TOGARAM1: variants seen among roughly 807,000 people sequenced by gnomAD.
TOGARAM1 encodes TOG array regulator of axonemal microtubules protein 1.
TOGARAM1 carries 100 observed loss-of-function variants against 166.6 expected under a neutral mutation model. The observed-to-expected ratio is 0.60, with a 90% confidence interval of 0.51 to 0.71. TOGARAM1 has a LOEUF of 0.71. Ranked by LOEUF, TOGARAM1 falls within the 30% of genes least tolerant of loss-of-function variation. The pLI is 0.00. For synonymous variants in TOGARAM1, 758 were observed against 763.8 expected, an observed-to-expected ratio of 0.99 and a Z score of 0.13; for missense variants, 2,029 against 2,102.7, an observed-to-expected ratio of 0.96 and a Z score of 0.69.
intron 8 of TOGARAM1, among the ~76,000 whole-genome samples, chr14:45,026,569 T>A (rs913651199): frequency 3.3e-5 from 5 of 152,190 alleles, no homozygotes; most frequent in African/African-American, 1.2e-4. Context: ...TCGCTCCACA[T>A]AAATGCTTTA....
intron 16 of TOGARAM1, among the ~76,000 whole-genome samples, chr14:45,060,135 G>T (rs925526518): frequency 6.6e-6 from 1 of 150,436 alleles, no homozygotes; most frequent in African/African-American, 2.5e-5. Context: ...AGCCAGGATG[G>T]TCTCGATCTC....
At chr14:45,035,277 T>C (rs537463902) in intron 11 of TOGARAM1, among the ~76,000 whole-genome samples, 1 of 152,136 alleles carries the variant, frequency 6.6e-6, no homozygotes, top group South Asian at 2.1e-4. Flanking sequence ...GGAGAATCGC[T>C]TAAACCCGGG....
intron 11 of TOGARAM1, among the ~76,000 whole-genome samples, chr14:45,032,870 T>A (rs1214064179): frequency 6.6e-6 from 1 of 152,218 alleles, no homozygotes; most frequent in Non-Finnish European, 1.5e-5. Context: ...TCTCTCATTA[T>A]ACCCATCTTA....
chr14:44,998,822 C>G (rs1464715950), intron 2 of TOGARAM1, among the ~76,000 whole-genome samples: 1 of 151,844 alleles, frequency 6.6e-6, no homozygotes, highest in Non-Finnish European at 1.5e-5. Context: ...TATTCATCTT[C>G]CCAGGAATAA....
chr14:45,055,721 T>C (rs1882596224), intron 16 of TOGARAM1, among the ~76,000 whole-genome samples: 1 of 149,856 alleles, frequency 6.7e-6, no homozygotes, highest in African/African-American at 2.5e-5. Flanking sequence ...GGAGAATTGC[T>C]TGAATCCAGG....
chr14:45,015,681 A>G (rs771155019), intron 7 of TOGARAM1, among the ~76,000 whole-genome samples: 4 of 152,008 alleles, frequency 2.6e-5, no homozygotes, highest in African/African-American at 4.8e-5. Context: ...TTTAATCCTA[A>G]CAACAGATGT....
intron 10 of TOGARAM1, 25 bp downstream of exon 10, chr14:45,028,354 T>C (rs1434637515): frequency 2.1e-6 from 3 of 1,429,618 alleles, no homozygotes; most frequent in Admixed American, 2.4e-5. Context: ...AGTTTTGGTA[T>C]TTTTTTTTTC....
intron 7 of TOGARAM1, among the ~76,000 whole-genome samples, chr14:45,013,461 TAAC>T (rs1029393530): frequency 6.2e-4 from 95 of 152,286 alleles, no homozygotes; most frequent in African/African-American, 2.2e-3. Context: ...AAACTAGTGT[TAAC>T]AAAGAGATAG....
chr14:45,045,867 G>A (rs1314325487), intron 13 of TOGARAM1, among the ~76,000 whole-genome samples: 2 of 150,920 alleles, frequency 1.3e-5, no homozygotes, highest in Non-Finnish European at 2.9e-5. Flanking sequence ...ACATGTGCAA[G>A]TATCTTTTTC....
chr14:45,022,533 C>T (rs868092941), intron 7 of TOGARAM1, among the ~76,000 whole-genome samples: 23 of 151,330 alleles, frequency 1.5e-4, no homozygotes, highest in African/African-American at 5.3e-4. Context: ...GCTATCAATG[C>T]CTAAGTGAAA....
rs1004974449 is a variant in TOGARAM1, at chr14:44,962,248, C to T, written c.-174C>T. The T allele has an allele frequency of 1.0e-5, 7 of 693,260 alleles. No individual in the cohort carries two copies. In the Middle Eastern group the frequency reaches 1.3e-3, roughly 125 times the overall value. The allele number at this position is 693,260 out of a possible 1,614,324, so 42.9% of individuals were successfully genotyped here. A position where few individuals can be genotyped will look rare whatever the true frequency, so the allele number is the denominator to read the frequency against. Reference sequence around the variant, plus strand: ...GTGGGGTCTAGGGCTCAGACGGGGGCCATTTTGCCAGAGGCTGCCTCCCGG... The same window carrying T: ...GTGGGGTCTAGGGCTCAGACGGGGGTCATTTTGCCAGAGGCTGCCTCCCGG... On this transcript the variant is annotated 5_prime_UTR_variant, in exon 1 of 20. Coordinates refer to ENST00000361462, the MANE Select transcript of TOGARAM1 (RefSeq NM_001308120.2).
At position 44,963,630 on chromosome 14, in the gene TOGARAM1, A is replaced by G. The variant is rs757174637; in HGVS notation, c.1209A>G (p.Leu403=). 5.0e-6 allele frequency: 8 copies of G among 1,613,392 alleles called. No individual in the cohort carries two copies. The highest frequency in any genetic ancestry group is 6.8e-6 in the Non-Finnish European group (8 of 1,179,990). The stretch of plus-strand genomic sequence containing the variant: ...TCATTAGTTTGCTATATAATTTGTT[A>G]GACGATTCTAACTTCAAAGTGGTGC... The part of the protein sequence containing the change: ...VGFISLLYNL[L]DDSNFKVVHG... Residue 403 remains leucine, a synonymous_variant, in exon 1 of 20, where the codon TTA becomes TTG. Transcript: ENST00000361462.
At chr14:45,015,578 C>CTT (rs756124437) in intron 7 of TOGARAM1, among the ~76,000 whole-genome samples, 1 of 130,036 alleles carries the variant, frequency 7.7e-6, no homozygotes, top group African/African-American at 2.8e-5. Flanking sequence ...TAGGGTTTTG[C>CTT]TTTTTTTTTT....
chr14:45,009,655 T>C (rs956918195), intron 6 of TOGARAM1, among the ~76,000 whole-genome samples: 2 of 152,204 alleles, frequency 1.3e-5, no homozygotes, highest in Non-Finnish European at 1.5e-5. Flanking sequence ...CCTACAGCAG[T>C]AGTGCTGGAC....
chr14:45,016,973 G>A (rs538078062), intron 7 of TOGARAM1, among the ~76,000 whole-genome samples: 3 of 152,218 alleles, frequency 2.0e-5, no homozygotes, highest in African/African-American at 4.8e-5. Context: ...TCCAGTGTAA[G>A]CATAATTGGT....
At chr14:45,026,995 GAGAC>G (rs2138906826) in intron 8 of TOGARAM1, among the ~76,000 whole-genome samples, 1 of 151,946 alleles carries the variant, frequency 6.6e-6, no homozygotes, top group African/African-American at 2.4e-5. Context: ...GTGACAGAGA[GAGAC>G]TATCTCAAAA....
chr14:44,968,622 C>G (rs551793668), intron 1 of TOGARAM1, among the ~76,000 whole-genome samples: 1 of 152,286 alleles, frequency 6.6e-6, no homozygotes, highest in African/African-American at 2.4e-5. Context: ...CCCATATACC[C>G]CTGTCCACAC....
intron 1 of TOGARAM1, among the ~76,000 whole-genome samples, chr14:44,979,176 T>TAAC (rs1886392012): frequency 1.3e-5 from 2 of 151,772 alleles, no homozygotes; most frequent in South Asian, 4.2e-4. Context: ...TCACCATTAA[T>TAAC]AATAATAATA....
chr14:44,973,225 A>C (rs145607166), intron 1 of TOGARAM1, among the ~76,000 whole-genome samples: 408 of 151,706 alleles, frequency 2.7e-3, no homozygotes, highest in African/African-American at 9.4e-3. Context: ...TTAGCATATC[A>C]GTTATGCTGC....
Sources: gnomAD v4.1 joint callset for allele counts (sites outside exome capture counted in the v4.1 genomes callset) on GRCh38, gnomAD v4.1.1 for gene constraint, MANE v1.5 for transcripts, NCBI Gene and HGNC (gene_info 2026-07-23, HGNC 2026-07-21) for gene names.